The following NXN variants were observed in gnomAD, a reference collection of about 807,000 sequenced individuals.
NXN encodes the protein nucleoredoxin.
NXN carries 16 observed loss-of-function variants against 48.6 expected under a neutral mutation model. The observed-to-expected ratio is 0.33, with a 90% confidence interval of 0.22 to 0.50. The LOEUF (loss-of-function observed/expected upper bound fraction) is 0.50, where lower values mean the gene tolerates loss of function less well. Among genes scored for constraint, NXN ranks in the 20% least tolerant of loss-of-function variants. The pLI, the probability that NXN is intolerant of heterozygous loss-of-function variation, is 0.98. For synonymous variants in NXN, 281 were observed against 269.6 expected, an observed-to-expected ratio of 1.04 and a Z score of -0.41; for missense variants, 492 against 605.5, an observed-to-expected ratio of 0.81 and a Z score of 1.97.
chr17:813,716 C>T (rs1912304104), intron 5 of NXN, among the ~76,000 whole-genome samples: 1 of 152,132 alleles, frequency 6.6e-6, no homozygotes, highest in South Asian at 2.1e-4. Flanking sequence ...CGCCTGTAAT[C>T]CCAGCACTTT....
chr17:922,542 C>T (rs2068759131), intron 1 of NXN, among the ~76,000 whole-genome samples: 1 of 152,176 alleles, frequency 6.6e-6, no homozygotes, highest in Non-Finnish European at 1.5e-5. Context: ...AAGAGCTTAA[C>T]AAAAGACCCA....
intron 1 of NXN, chr17:929,893 C>T (rs79810598): frequency 1.5e-3 from 220 of 151,630 alleles, no homozygotes; most frequent in African/African-American, 5.1e-3. Context: ...AATTTTAAAG[C>T]TCTGCTCTCG....
intron 1 of NXN, among the ~76,000 whole-genome samples, chr17:879,156 ACT>A (rs1367247120): frequency 6.6e-6 from 1 of 151,950 alleles, no homozygotes; most frequent in Non-Finnish European, 1.5e-5. Flanking sequence ...CAAGAGAGAA[ACT>A]CTGTCTCAAA....
intron 1 of NXN, among the ~76,000 whole-genome samples, chr17:893,181 G>C (rs753382491): frequency 1.3e-5 from 2 of 152,238 alleles, no homozygotes; most frequent in Non-Finnish European, 2.9e-5. Context: ...CAATGCTCTC[G>C]TTACTTCCAC....
intron 1 of NXN, among the ~76,000 whole-genome samples, chr17:902,830 G>A (rs980525092): frequency 4.7e-5 from 7 of 150,240 alleles, no homozygotes. Flanking sequence ...CCAGGCTGGA[G>A]TGCAATGGCG....
At chr17:918,938 G>A (rs138270043) in intron 1 of NXN, among the ~76,000 whole-genome samples, 3,360 of 149,946 alleles carry the variant, frequency 0.022, 137 homozygotes, top group African/African-American at 0.078. Context: ...GGTGGCGTGC[G>A]CCTGTAGTCC....
intron 1 of NXN, among the ~76,000 whole-genome samples, chr17:915,516 CTCAGG>C (rs2068679877): frequency 4.2e-4 from 64 of 151,460 alleles, no homozygotes; most frequent in Admixed American, 3.3e-4. Flanking sequence ...AACTCTTGGG[CTCAGG>C]CAATCAACCT....
chr17:862,054 C>A (rs1321521250), intron 1 of NXN, among the ~76,000 whole-genome samples: 1 of 152,128 alleles, frequency 6.6e-6, no homozygotes, highest in Non-Finnish European at 1.5e-5. Context: ...TGGTCTCGAA[C>A]TCCTGAGCTC....
chr17:861,377 G>A (rs975581227), intron 1 of NXN, among the ~76,000 whole-genome samples: 9 of 151,830 alleles, frequency 5.9e-5, no homozygotes, highest in Admixed American at 1.3e-4. Flanking sequence ...CAGGTGATCC[G>A]CCCACCTCGG....
chr17:967,380 G>A lies in NXN; in HGVS notation c.360+11939C>T, dbSNP rs141906116. 1.1e-4 allele frequency among the ~76,000 whole-genome samples: 17 copies of A among 152,332 alleles called. No homozygotes were observed. The East Asian group carries it at 2.7e-3, about 24-fold the overall frequency. On this transcript the variant is annotated intron_variant, in intron 1 of 7. Coordinates refer to ENST00000336868, the MANE Select transcript of NXN (RefSeq NM_022463.5). The stretch of plus-strand genomic sequence containing the variant: ...CAGGGCGCAGAGACAGGCGGGGCGG[G>A]GAGATGGGCAAGGACCTGCCCCAGG...
intron 1 of NXN, among the ~76,000 whole-genome samples, chr17:885,672 C>CTTTTTTTTTTTTTTTTTTTTTTTTTTTT (rs532225883): frequency 1.2e-5 from 1 of 83,750 alleles, no homozygotes; most frequent in Non-Finnish European, 2.1e-5. Context: ...GCGGTACTCG[C>CTTTTTTTTTTTTTTTTTTTTTTTTTTTT]TTTTTTTTTT....
chr17:812,502 A>G (rs889955256), intron 5 of NXN, among the ~76,000 whole-genome samples: 4 of 152,182 alleles, frequency 2.6e-5, no homozygotes, highest in African/African-American at 9.7e-5. Context: ...TCCCCAGAGA[A>G]GCCCCACAGG....
intron 1 of NXN, among the ~76,000 whole-genome samples, chr17:827,531 G>A (rs1053881602): frequency 6.6e-6 from 1 of 152,226 alleles, no homozygotes; most frequent in African/African-American, 2.4e-5. Context: ...GCTGAGGCAG[G>A]AGAATGGCGT....
intron 1 of NXN, among the ~76,000 whole-genome samples, chr17:846,409 G>A (rs1457960142): frequency 9.5e-6 from 1 of 104,758 alleles, no homozygotes; most frequent in African/African-American, 3.7e-5. Context: ...GAGAGAAATT[G>A]TCTCAAAAAA....
intron 1 of NXN, among the ~76,000 whole-genome samples, chr17:886,882 C>T (rs1199062636): frequency 2.0e-5 from 3 of 151,924 alleles, no homozygotes; most frequent in Non-Finnish European, 4.4e-5. Context: ...TATTGTTTAT[C>T]CTAACATTTT....
intron 1 of NXN, among the ~76,000 whole-genome samples, chr17:850,714 C>T (rs1414418640): frequency 2.0e-5 from 3 of 152,186 alleles, no homozygotes; most frequent in Non-Finnish European, 2.9e-5. Flanking sequence ...AATGGCCACA[C>T]GTCCCTTAGA....
At position 804,274 on chromosome 17, in the gene NXN, CTTTTTTT is replaced by C. The variant is rs11325268; in HGVS notation, c.1001-475_1001-469del. On this transcript the variant is annotated intron_variant, in intron 6 of 7. Coordinates refer to ENST00000336868, the MANE Select transcript of NXN (RefSeq NM_022463.5). ...GTGAGGACTGTGGTCTGGTCAGCGG[CTTTTTTT>C]TTTTTTTTTTTTTTTTTTTGAGACA... Among the ~76,000 whole-genome samples, 631 of 88,954 alleles carry C rather than the reference CTTTTTTT, an allele frequency of 7.1e-3. 4 individuals carry two copies. Among genetic ancestry groups the C allele is most frequent in the African/African-American group, 0.031 (580 of 18,968 alleles). 58.4% of individuals were successfully genotyped at this position (88,954 alleles called of 152,430 possible).
At chr17:902,317 C>T (rs1047340176) in intron 1 of NXN, among the ~76,000 whole-genome samples, 1 of 152,214 alleles carries the variant, frequency 6.6e-6, no homozygotes, top group East Asian at 1.9e-4. Flanking sequence ...TTTAACTTCC[C>T]GTGAGATCCA....
chr17:804,775 T>C (rs61467117), intron 6 of NXN, among the ~76,000 whole-genome samples: 25,155 of 152,150 alleles, frequency 0.17, 2,486 homozygotes, highest in East Asian at 0.45. Context: ...CACCCGCCCT[T>C]TCCAACAATG....
Sources: allele counts gnomAD v4.1 joint callset (sites outside exome capture counted in the v4.1 genomes callset), GRCh38; gene constraint gnomAD v4.1.1; transcripts MANE v1.5; gene names NCBI Gene and HGNC (gene_info 2026-07-23, HGNC 2026-07-21).